Variants in WDR93 observed in about 807,000 individuals in gnomAD.
The protein encoded by WDR93 is WD repeat domain 93, also known as WD repeat-containing protein 93.
A neutral mutation model predicts 82.9 loss-of-function variants in WDR93; 73 were observed. The ratio of observed to expected loss-of-function variants is 0.88; its 90% CI spans 0.73 to 1.07. The LOEUF (loss-of-function observed/expected upper bound fraction) is 1.07, where lower values mean the gene tolerates loss of function less well. WDR93 is among the 50% of genes least tolerant of loss of function. The pLI, the probability that WDR93 is intolerant of heterozygous loss-of-function variation, is 0.00. For missense variants in WDR93, 738 were observed against 826.0 expected (o/e 0.89, Z 1.31); for synonymous variants, 283 against 300.1 (o/e 0.94, Z 0.59).
intron 7 of WDR93, among the ~76,000 whole-genome samples, chr15:89,721,660 C>A (rs960810012): frequency 5.3e-5 from 8 of 152,164 alleles, no homozygotes; most frequent in Admixed American, 5.2e-4. Flanking sequence ...GTTGCCCAGG[C>A]TGGAATGCAG....
Position 89,729,666 on chromosome 15 carries a change from C to A in WDR93, c.1124-17C>A. The A allele has an allele frequency of 6.2e-7, 1 of 1,608,354 alleles. No homozygotes were observed. The highest frequency in any genetic ancestry group is 8.5e-7 in the Non-Finnish European group (1 of 1,176,544). ...GTGTAACACCCATTTTCTGTCTTTC[C>A]CCCGCCCCCCCACCAGGAATGGCCT... On this transcript the variant is annotated splice_polypyrimidine_tract_variant and intron_variant, in intron 10 of 16. Transcript: ENST00000268130.
intron 8 of WDR93, among the ~76,000 whole-genome samples, chr15:89,723,961 G>T (rs942594352): frequency 3.9e-5 from 6 of 152,168 alleles, no homozygotes; most frequent in Non-Finnish European, 8.8e-5. Flanking sequence ...ACTTTGGGAG[G>T]TCGAGGCAAG....
At chr15:89,719,776 C>T (rs1041559215) in intron 7 of WDR93, 2 of 151,348 alleles carry the variant, frequency 1.3e-5, no homozygotes, top group African/African-American at 4.9e-5. Context: ...GTTTCCTCTT[C>T]TAATTTCTTT....
intron 11 of WDR93, 110 bp downstream of exon 11, chr15:89,729,879 AC>A: frequency 1.1e-6 from 1 of 915,234 alleles, no homozygotes; most frequent in Non-Finnish European, 1.7e-6. Flanking sequence ...CACTTTAGGG[AC>A]CAGATCTAGG....
At chr15:89,721,948 T>A (rs1470330554) in intron 7 of WDR93, 107 bp from the exon 8 acceptor site, 1 of 743,894 alleles carries the variant, frequency 1.3e-6, no homozygotes, top group African/African-American at 1.8e-5. Flanking sequence ...TGTCCTCTTA[T>A]TTTTCTTTTT....
chr15:89,715,205 G>A (rs1966193936), intron 6 of WDR93, 110 bp downstream of exon 6: 2 of 836,780 alleles, frequency 2.4e-6, no homozygotes, highest in East Asian at 2.7e-5. Flanking sequence ...CTATAAGAGA[G>A]GACAACAGGA....
intron 7 of WDR93, among the ~76,000 whole-genome samples, chr15:89,720,523 G>A (rs1195394574): frequency 9.2e-5 from 14 of 152,022 alleles, no homozygotes; most frequent in Admixed American, 8.5e-4. Flanking sequence ...CGCCCGCCTC[G>A]ACCTCCCAAA....
intron 16 of WDR93, among the ~76,000 whole-genome samples, chr15:89,742,117 G>A (rs1236197154): frequency 6.6e-6 from 1 of 152,116 alleles, no homozygotes; most frequent in Admixed American, 6.5e-5. Flanking sequence ...GCCAGGTGCT[G>A]TGGCTCACGC....
chr15:89,731,475 A>T lies in WDR93; in HGVS notation c.1243A>T (p.Ile415Phe), dbSNP rs762594842. ...GGGTGTGTGGCCCTGTGCTGCGCCC[A>T]TTGCAGTCTCTCAGCTCAGCTGCTC... is the stretch of plus-strand genomic sequence containing the variant. The part of the protein sequence containing the change: ...PEGVWPCAAP[I>F]AVSQLSCSSS... Residue 415 changes from isoleucine to phenylalanine, a missense_variant, in exon 12 of 17, where the codon ATT becomes TTT. Coordinates refer to ENST00000268130, the MANE Select transcript of WDR93 (RefSeq NM_020212.2). 1 of 1,614,106 alleles carries T rather than the reference A, an allele frequency of 6.2e-7. No individual in the cohort carries two copies. The highest frequency in any genetic ancestry group is 1.1e-5 in the South Asian group (1 of 91,080).
intron 8 of WDR93, among the ~76,000 whole-genome samples, chr15:89,726,334 C>T (rs1438219751): frequency 6.6e-6 from 1 of 152,220 alleles, no homozygotes; most frequent in Non-Finnish European, 1.5e-5. Flanking sequence ...CCCTGAGAAT[C>T]TGTATTTTTA....
intron 12 of WDR93, among the ~76,000 whole-genome samples, chr15:89,731,922 T>A (rs909490104): frequency 6.6e-6 from 1 of 152,086 alleles, no homozygotes; most frequent in African/African-American, 2.4e-5. Flanking sequence ...GCCCCCAAGC[T>A]CTCTAAATAA....
At chr15:89,724,333 G>A (rs768174249) in intron 8 of WDR93, among the ~76,000 whole-genome samples, 1 of 151,984 alleles carries the variant, frequency 6.6e-6, no homozygotes, top group Non-Finnish European at 1.5e-5. Context: ...CACAGCGAGC[G>A]AGAACCTGTC....
intron 1 of WDR93, among the ~76,000 whole-genome samples, chr15:89,693,189 T>C (rs960187628): frequency 1.3e-5 from 2 of 152,250 alleles, no homozygotes; most frequent in Non-Finnish European, 2.9e-5. Context: ...CAGATTTTGA[T>C]GTGAAACATA....
Position 89,705,102 on chromosome 15 carries a change from G to A in WDR93, c.497-452G>A, listed in dbSNP as rs970477364. On this transcript the variant is annotated intron_variant, in intron 3 of 16. Transcript: ENST00000268130. ...ATTAATTCAACAAAATTAACTGCACGAGGAGCTTGTTGGGATTGAGAGGCA... is the reference window on the plus strand; with the variant it reads ...ATTAATTCAACAAAATTAACTGCACAAGGAGCTTGTTGGGATTGAGAGGCA... 12 of 162,598 alleles carry A rather than the reference G, an allele frequency of 7.4e-5. No individual in the cohort carries two copies. In the East Asian group the frequency reaches 9.4e-4, roughly 13 times the overall value. 10.1% of individuals were successfully genotyped at this position (162,598 alleles called of 1,614,324 possible).
intron 1 of WDR93, among the ~76,000 whole-genome samples, chr15:89,700,796 A>G (rs767051764): frequency 6.6e-6 from 1 of 152,012 alleles, no homozygotes; most frequent in Non-Finnish European, 1.5e-5. Context: ...GCCTCAAGCA[A>G]TCCTCCCACC....
At chr15:89,725,104 G>T (rs1251687208) in intron 8 of WDR93, among the ~76,000 whole-genome samples, 1 of 152,150 alleles carries the variant, frequency 6.6e-6, no homozygotes, top group Non-Finnish European at 1.5e-5. Context: ...CCATAGATTT[G>T]CAAGCAAGTG....
At chr15:89,740,651 G>A (rs184910900) in intron 16 of WDR93, among the ~76,000 whole-genome samples, 105 of 152,038 alleles carry the variant, frequency 6.9e-4, no homozygotes, top group Non-Finnish European at 6.2e-4. Flanking sequence ...ACAGGCATGC[G>A]CCACCACGCC....
intron 15 of WDR93, 143 bp downstream of exon 15, chr15:89,737,872 C>T (rs1157592731): frequency 3.7e-6 from 5 of 1,360,360 alleles, no homozygotes; most frequent in Non-Finnish European, 4.0e-6. Flanking sequence ...TCAGTCCTCA[C>T]AGGGCACTTA....
intron 10 of WDR93, 89 bp downstream of exon 10, chr15:89,729,182 A>G: frequency 1.6e-6 from 2 of 1,237,530 alleles, no homozygotes; most frequent in South Asian, 2.4e-5. Flanking sequence ...GTTCCCCAAC[A>G]AACCTCGCAT....
Sources: allele counts gnomAD v4.1 joint callset (sites outside exome capture counted in the v4.1 genomes callset), GRCh38; gene constraint gnomAD v4.1.1; transcripts MANE v1.5; gene names NCBI Gene and HGNC (gene_info 2026-07-23, HGNC 2026-07-21).